The following PCED1B variants were observed in gnomAD, a reference collection of about 807,000 sequenced individuals.
PCED1B encodes the protein PC-esterase domain containing 1B, also known as PC-esterase domain-containing protein 1B.
For missense variants in PCED1B, 573 were observed against 573.9 expected (o/e 1.00, Z 0.02); for synonymous variants, 251 against 246.1 (o/e 1.02, Z -0.19).
intron 2 of PCED1B, among the ~76,000 whole-genome samples, chr12:47,169,943 G>C (rs1941670616): frequency 6.8e-6 from 1 of 147,654 alleles, no homozygotes; most frequent in Non-Finnish European, 1.5e-5. Flanking sequence ...GTTTCTCGGA[G>C]AGGGGGATTT....
intron 3 of PCED1B, among the ~76,000 whole-genome samples, chr12:47,233,428 A>G (rs755445399): frequency 2.6e-5 from 4 of 152,226 alleles, no homozygotes; most frequent in Non-Finnish European, 5.9e-5. Context: ...GTGAGCCGCC[A>G]CAATTTTTAA....
intron 2 of PCED1B, among the ~76,000 whole-genome samples, chr12:47,146,676 G>A (rs923288104): frequency 3.3e-5 from 5 of 152,102 alleles, no homozygotes; most frequent in African/African-American, 9.7e-5. Context: ...ATTAAGGTAT[G>A]TACTTTTTTT....
At chr12:47,173,392 T>C (rs1941813831) in intron 2 of PCED1B, among the ~76,000 whole-genome samples, 1 of 152,162 alleles carries the variant, frequency 6.6e-6, no homozygotes, top group African/African-American at 2.4e-5. Context: ...TAGCTGGGAC[T>C]AGAAGCGCCC....
intron 1 of PCED1B, among the ~76,000 whole-genome samples, chr12:47,097,402 C>T (rs1196808023): frequency 1.3e-5 from 2 of 152,106 alleles, no homozygotes; most frequent in Non-Finnish European, 1.5e-5. Context: ...AGGGAGTTTC[C>T]TCATGACTGG....
intron 2 of PCED1B, among the ~76,000 whole-genome samples, chr12:47,178,189 C>T (rs1293894738): frequency 2.0e-5 from 3 of 152,192 alleles, no homozygotes; most frequent in Admixed American, 2.0e-4. Flanking sequence ...CCTGAGAATA[C>T]AGCACCTTTG....
intron 1 of PCED1B, among the ~76,000 whole-genome samples, chr12:47,089,806 CTG>C (rs140740350): frequency 0.043 from 6,583 of 151,954 alleles, 412 homozygotes; most frequent in African/African-American, 0.14. Context: ...CAGAGCCTTG[CTG>C]TGTCACCCAG....
chr12:47,147,150 G>A (rs1940821327), intron 2 of PCED1B, among the ~76,000 whole-genome samples: 2 of 151,916 alleles, frequency 1.3e-5, no homozygotes, highest in African/African-American at 4.8e-5. Flanking sequence ...ACAGGCATGT[G>A]TCACCATGCC....
At chr12:47,135,949 C>CAAA (rs34127875) in intron 2 of PCED1B, 9 of 146,494 alleles carry the variant, frequency 6.1e-5, no homozygotes, top group South Asian at 1.9e-4. Flanking sequence ...GATGGTTCTC[C>CAAA]AAAAAAAAAA....
chr12:47,182,867 G>A (rs1231441366), intron 2 of PCED1B, among the ~76,000 whole-genome samples: 3 of 152,138 alleles, frequency 2.0e-5, no homozygotes, highest in East Asian at 1.9e-4. Flanking sequence ...ATAAGGATAC[G>A]CAAAAATGAG....
At chr12:47,093,580 GA>G in intron 1 of PCED1B, among the ~76,000 whole-genome samples, 1 of 151,754 alleles carries the variant, frequency 6.6e-6, no homozygotes, top group Non-Finnish European at 1.5e-5. Context: ...TGGAATATAA[GA>G]CTATATATTT....
intron 2 of PCED1B, among the ~76,000 whole-genome samples, chr12:47,142,829 C>T (rs763606663): frequency 2.0e-5 from 3 of 151,464 alleles, no homozygotes; most frequent in Non-Finnish European, 4.4e-5. Flanking sequence ...AGAAGCCATG[C>T]GATACTATCA....
intron 2 of PCED1B, among the ~76,000 whole-genome samples, chr12:47,131,793 C>T (rs552205447): frequency 1.3e-5 from 2 of 151,816 alleles, no homozygotes; most frequent in Non-Finnish European, 2.9e-5. Context: ...CTCAGCCTCC[C>T]GAGTAGCTGG....
At chr12:47,230,059 C>G (rs1943754735) in intron 3 of PCED1B, among the ~76,000 whole-genome samples, 1 of 148,256 alleles carries the variant, frequency 6.7e-6, no homozygotes, top group Admixed American at 6.8e-5. Flanking sequence ...CAGGCGTGAG[C>G]CACTGCACTC....
At chr12:47,221,220 T>C (rs978617318) in intron 3 of PCED1B, among the ~76,000 whole-genome samples, 15 of 152,052 alleles carry the variant, frequency 9.9e-5, no homozygotes, top group African/African-American at 3.6e-4. Flanking sequence ...TGAAAACAAA[T>C]GTGACATTGA....
intron 2 of PCED1B, among the ~76,000 whole-genome samples, chr12:47,134,415 T>C (rs769399015): frequency 3.9e-4 from 60 of 152,202 alleles, no homozygotes; most frequent in Non-Finnish European, 7.5e-4. Context: ...AGATATCCCT[T>C]ATTAATATTT....
At chr12:47,118,317 G>A (rs1201093494) in intron 2 of PCED1B, among the ~76,000 whole-genome samples, 1 of 152,110 alleles carries the variant, frequency 6.6e-6, no homozygotes, top group Non-Finnish European at 1.5e-5. Context: ...GGTTTTTATG[G>A]TTATAAGTCT....
intron 2 of PCED1B, among the ~76,000 whole-genome samples, chr12:47,131,424 T>C (rs960808805): frequency 1.3e-5 from 2 of 152,124 alleles, no homozygotes; most frequent in African/African-American, 2.4e-5. Flanking sequence ...AGAAAACTTG[T>C]TAGGATAAAT....
intron 2 of PCED1B, among the ~76,000 whole-genome samples, chr12:47,143,365 A>G (rs755886271): frequency 2.0e-5 from 3 of 152,130 alleles, no homozygotes. Context: ...GAATTTAGTA[A>G]AGTTACAAGA....
At chr12:47,111,659 C>T (rs1273472915) in intron 2 of PCED1B, among the ~76,000 whole-genome samples, 1 of 152,124 alleles carries the variant, frequency 6.6e-6, no homozygotes. Context: ...CCTGTAGATA[C>T]CCCTTTTAAG....
Sources: gnomAD v4.1 joint callset for allele counts (sites outside exome capture counted in the v4.1 genomes callset) on GRCh38, gnomAD v4.1.1 for gene constraint, MANE v1.5 for transcripts, NCBI Gene and HGNC (gene_info 2026-07-23, HGNC 2026-07-21) for gene names.